Variants in DLEU7 observed in about 807,000 individuals in gnomAD.
DLEU7 encodes leukemia-associated protein 7.
Under a neutral mutation model 16.0 loss-of-function variants are expected in DLEU7, and 17 were observed. The observed-to-expected ratio is 1.06, with a 90% CI of 0.73 to 1.59. The LOEUF is 1.59. Ranked by LOEUF, DLEU7 falls within the 40% of genes most tolerant of loss-of-function variation. The pLI, the probability that DLEU7 is intolerant of heterozygous loss-of-function variation, is 0.00. For synonymous variants in DLEU7, 113 were observed against 139.8 expected, an observed-to-expected ratio of 0.81 and a Z score of 1.35; for missense variants, 308 against 314.9, an observed-to-expected ratio of 0.98 and a Z score of 0.17.
chr13:50,753,384 C>G (rs1383381449), intron 1 of DLEU7, among the ~76,000 whole-genome samples: 1 of 152,204 alleles, frequency 6.6e-6, no homozygotes, highest in Non-Finnish European at 1.5e-5. Context: ...GAGGCTCGGG[C>G]TGCACAGGAG....
intron 1 of DLEU7, among the ~76,000 whole-genome samples, chr13:50,737,882 A>G (rs1227674060): frequency 1.3e-5 from 2 of 151,028 alleles, no homozygotes; most frequent in South Asian, 2.1e-4. Context: ...CAAGGCCTGT[A>G]AAAACCCAAG....
intron 1 of DLEU7, among the ~76,000 whole-genome samples, chr13:50,755,557 T>TA (rs397699091): frequency 5.3e-5 from 8 of 151,954 alleles, no homozygotes; most frequent in Non-Finnish European, 1.0e-4. Context: ...TGCTTTTTTT[T>TA]ATGCTATCTA....
At chr13:50,842,500 TC>T (rs1281601205) in intron 1 of DLEU7, among the ~76,000 whole-genome samples, 1 of 152,200 alleles carries the variant, frequency 6.6e-6, no homozygotes, top group African/African-American at 2.4e-5. Flanking sequence ...GCTGCTCCCT[TC>T]CCGGGCTAAA....
intron 1 of DLEU7, among the ~76,000 whole-genome samples, chr13:50,747,356 G>GTGTGTA (rs1209329063): frequency 1.0e-5 from 1 of 99,824 alleles, no homozygotes; most frequent in African/African-American, 6.4e-5. Context: ...GTGTGTGTGT[G>GTGTGTA]TGTGTGTGTG....
intron 1 of DLEU7, among the ~76,000 whole-genome samples, chr13:50,757,548 T>A (rs1405327123): frequency 4.6e-5 from 7 of 152,214 alleles, no homozygotes; most frequent in Non-Finnish European, 7.3e-5. Context: ...CTTGACTTTG[T>A]AAACTCGAGC....
chr13:50,745,036 T>A (rs1449068116), intron 1 of DLEU7, among the ~76,000 whole-genome samples: 1 of 152,148 alleles, frequency 6.6e-6, no homozygotes, highest in African/African-American at 2.4e-5. Flanking sequence ...AAAAATAGAA[T>A]TGCCATATGA....
chr13:50,774,133 T>C (rs1875416245), intron 1 of DLEU7, among the ~76,000 whole-genome samples: 2 of 152,132 alleles, frequency 1.3e-5, no homozygotes, highest in South Asian at 2.1e-4. Context: ...AAGCACAGTA[T>C]TGGGGCTGGA....
chr13:50,810,737 TA>T (rs1418552766), intron 1 of DLEU7, among the ~76,000 whole-genome samples: 1 of 152,196 alleles, frequency 6.6e-6, no homozygotes, highest in East Asian at 1.9e-4. Flanking sequence ...CAGCAATCTA[TA>T]AGTGTTGTTA....
chr13:50,756,016 C>T (rs1874747074), intron 1 of DLEU7, among the ~76,000 whole-genome samples: 9 of 152,184 alleles, frequency 5.9e-5, no homozygotes, highest in Admixed American at 5.9e-4. Flanking sequence ...AGTCTCCCCA[C>T]CTCCAGGCTG....
chr13:50,772,269 A>C (rs1189971069), intron 1 of DLEU7, among the ~76,000 whole-genome samples: 2 of 152,160 alleles, frequency 1.3e-5, no homozygotes, highest in African/African-American at 4.8e-5. Context: ...ATTTAAATTT[A>C]AGGTTAATAT....
downstream of DLEU7, among the ~76,000 whole-genome samples, chr13:50,822,238 G>A (rs1178659324): frequency 1.3e-5 from 2 of 152,136 alleles, no homozygotes; most frequent in African/African-American, 4.8e-5. Context: ...ACTAGGATTA[G>A]AGTGGGTGAG....
intron 1 of DLEU7, among the ~76,000 whole-genome samples, chr13:50,811,705 A>C (rs1168109797): frequency 6.6e-6 from 1 of 152,162 alleles, no homozygotes; most frequent in Non-Finnish European, 1.5e-5. Flanking sequence ...GATGTGTTTT[A>C]GCTTTAGGGC....
Position 50,843,511 on chromosome 13 carries a change from C to G in DLEU7, c.136G>C (p.Val46Leu), listed in dbSNP as rs778394562. The G allele has an allele frequency of 2.6e-5, 37 of 1,409,790 alleles. 1 individual carries two copies. The South Asian group carries it at 5.3e-4, about 20-fold the overall frequency. 87.3% of individuals were successfully genotyped at this position (1,409,790 alleles called of 1,614,324 possible). A position where few individuals can be genotyped will look rare whatever the true frequency, so the allele number is the denominator to read the frequency against. ...GAGCGACGGGCTGGAGCGGTGGACA[C>G]GTGGTCTGGGTCCCGCGGGTTCCCG... is the stretch of plus-strand genomic sequence containing the variant. ...APGNPRDPDH[V>L]STAPARRSGP... Residue 46 changes from valine to leucine, a missense_variant, in exon 1 of 2, where the codon GTG (valine) becomes CTG (leucine). Physicochemically the swap from Val to Leu is conservative, Grantham distance 32. Coordinates refer to ENST00000504404, the MANE Select transcript of DLEU7 (RefSeq NM_001306135.2). This position sits in a 1 kb window ranked among gnomAD's most constrained non-coding sequence, Gnocchi z 5.7.
chr13:50,801,153 CT>C (rs1414878206), intron 1 of DLEU7, among the ~76,000 whole-genome samples: 2 of 152,222 alleles, frequency 1.3e-5, no homozygotes, highest in East Asian at 3.9e-4. Context: ...TTTTTCAAAA[CT>C]CGCTTAGCTA....
At chr13:50,752,833 G>T (rs1179062210) in intron 1 of DLEU7, among the ~76,000 whole-genome samples, 1 of 151,976 alleles carries the variant, frequency 6.6e-6, no homozygotes, top group East Asian at 1.9e-4. Context: ...AGCTTCCACA[G>T]TGTGGAAGGG....
intron 1 of DLEU7, among the ~76,000 whole-genome samples, chr13:50,809,997 C>G (rs994932524): frequency 1.1e-4 from 16 of 151,178 alleles, no homozygotes; most frequent in African/African-American, 3.6e-4. Flanking sequence ...ACAACAGAAG[C>G]AGCTTTCTCA....
chr13:50,800,238 A>C (rs1173333335), intron 1 of DLEU7, among the ~76,000 whole-genome samples: 1 of 152,212 alleles, frequency 6.6e-6, no homozygotes, highest in Non-Finnish European at 1.5e-5. Flanking sequence ...TCTGGAAGTT[A>C]AAGCACATAG....
chr13:50,831,124 G>A (rs1013034729), intron 1 of DLEU7, among the ~76,000 whole-genome samples: 4 of 150,920 alleles, frequency 2.7e-5, no homozygotes, highest in African/African-American at 9.8e-5. Context: ...AGAGGGGAGG[G>A]GAGGGGAGGG....
chr13:50,779,530 A>G (rs530266601), intron 1 of DLEU7, among the ~76,000 whole-genome samples: 2 of 152,320 alleles, frequency 1.3e-5, no homozygotes, highest in African/African-American at 4.8e-5. Context: ...CTGCTATCAC[A>G]TACGACTGAG....
Sources: allele counts gnomAD v4.1 joint callset (sites outside exome capture counted in the v4.1 genomes callset), GRCh38; gene constraint gnomAD v4.1.1; non-coding constraint Gnocchi (gnomAD v3.1); transcripts MANE v1.5; gene names NCBI Gene and HGNC (gene_info 2026-07-23, HGNC 2026-07-21).